The following CMYA5 variants were observed in gnomAD, a reference collection of about 807,000 sequenced individuals.
CMYA5 encodes the protein cardiomyopathy-associated protein 5.
Under a neutral mutation model 318.9 loss-of-function variants are expected in CMYA5, and 246 were observed. That is an observed-to-expected ratio of 0.77 (90% CI 0.70 to 0.86). CMYA5 has a LOEUF of 0.86. Ranked by LOEUF, CMYA5 falls within the 40% of genes least tolerant of loss-of-function variation. The pLI is 0.00. For missense variants in CMYA5, 4,589 were observed against 4,678.2 expected (o/e 0.98, Z 0.56); for synonymous variants, 1,641 against 1,729.5 (o/e 0.95, Z 1.27).
At chr5:79,750,256 A>G (rs996440433) in intron 5 of CMYA5, among the ~76,000 whole-genome samples, 1 of 149,746 alleles carries the variant, frequency 6.7e-6, no homozygotes, top group African/African-American at 2.5e-5. Context: ...TTAAGGTATT[A>G]ATAAATACAG....
At chr5:79,796,111 C>G (rs760558994) in intron 12 of CMYA5, among the ~76,000 whole-genome samples, 1 of 152,002 alleles carries the variant, frequency 6.6e-6, no homozygotes, top group Non-Finnish European at 1.5e-5. Context: ...GGGATTGGCT[C>G]AAGGAATGAC....
intron 1 of CMYA5, among the ~76,000 whole-genome samples, chr5:79,695,127 G>A (rs1232708146): frequency 6.6e-6 from 1 of 152,078 alleles, no homozygotes; most frequent in Non-Finnish European, 1.5e-5. Flanking sequence ...TCTGAAAACA[G>A]GCTTAATGAA....
chr5:79,730,411 C>G lies in CMYA5; in HGVS notation c.1646C>G (p.Pro549Arg). The change falls in exon 2 of 13, where the codon CCA (proline) becomes CGA (arginine). Residue 549 changes from proline (P) to arginine (R), a missense_variant. By Grantham distance (103) the Pro-to-Arg change is moderately radical (BLOSUM62 -2). Around this residue, in one of 3 missense-constraint regions of CMYA5, gnomAD observed 2,132 missense variants for 2,131.3 expected, o/e 1.00. Transcript: ENST00000446378. ...SPLVSEKPFP[P>R]HMSPEVEHKE... ...TTGGTTTCCGAGAAGCCCTTCCCAC[C>G]ACATATGTCCCCTGAAGTGGAGCAC... 2 of 1,613,846 alleles carry G rather than the reference C, an allele frequency of 1.2e-6. No homozygotes were observed. Among genetic ancestry groups the G allele is most frequent in the Admixed American group, 1.7e-5 (1 of 60,018 alleles).
intron 9 of CMYA5, among the ~76,000 whole-genome samples, chr5:79,785,149 A>T (rs190938681): frequency 9.1e-4 from 138 of 151,842 alleles, no homozygotes; most frequent in African/African-American, 3.3e-3. Context: ...CCTGACCTTT[A>T]TAATCTGTCT....
intron 4 of CMYA5, among the ~76,000 whole-genome samples, chr5:79,746,130 A>G (rs1262251202): frequency 1.3e-5 from 2 of 152,316 alleles, no homozygotes; most frequent in Non-Finnish European, 2.9e-5. Context: ...TGAAGCCAGG[A>G]TTAAGCAGAA....
intron 1 of CMYA5, among the ~76,000 whole-genome samples, chr5:79,703,328 C>T (rs142378410): frequency 6.6e-6 from 1 of 152,138 alleles, no homozygotes; most frequent in South Asian, 2.1e-4. Context: ...AGTTTTCCCC[C>T]ATTAAATATC....
At chr5:79,691,849 T>G (rs567297442) in intron 1 of CMYA5, among the ~76,000 whole-genome samples, 14 of 152,278 alleles carry the variant, frequency 9.2e-5, no homozygotes, top group African/African-American at 2.9e-4. Context: ...TAGGGAGACA[T>G]GAGACCTCAA....
At position 79,737,926 on chromosome 5, in the gene CMYA5, A is replaced by G. The variant is rs374393364; in HGVS notation, c.9161A>G (p.Glu3054Gly). The G allele has an allele frequency of 6.2e-7, 1 of 1,606,272 alleles. No homozygotes were observed. Among genetic ancestry groups the G allele is most frequent in the Non-Finnish European group, 8.5e-7 (1 of 1,178,150 alleles). ...ATTCCCAGTGAAGAGGATTATTTTGAAAAATATACTTTGATTGATTATAAC... is the reference window on the plus strand; with the variant it reads ...ATTCCCAGTGAAGAGGATTATTTTGGAAAATATACTTTGATTGATTATAAC... ...PTIPSEEDYFEKYTLIDYNIS... is the reference protein window; with the variant it reads ...PTIPSEEDYFGKYTLIDYNIS... The change falls in exon 2 of 13, where the codon GAA (glutamate) becomes GGA (glycine). Residue 3054 changes from glutamate to glycine, a missense_variant. By Grantham distance (98) the Glu-to-Gly change is moderately conservative. Transcript: ENST00000446378.
rs760017679 is a variant in CMYA5, at chr5:79,731,007, C to T, written c.2242C>T (p.Pro748Ser). 1 of 1,614,034 alleles carries T rather than the reference C, an allele frequency of 6.2e-7. No homozygotes were observed. The highest frequency in any genetic ancestry group is 8.5e-7 in the Non-Finnish European group (1 of 1,179,900). The change falls in exon 2 of 13, where the codon CCT (proline) becomes TCT (serine). Residue 748 changes from proline to serine, a missense_variant. By Grantham distance (74) the Pro-to-Ser change is moderately conservative. Around this residue, in one of 3 missense-constraint regions of CMYA5, gnomAD observed 2,132 missense variants for 2,131.3 expected, o/e 1.00. Transcript: ENST00000446378. ...DTGSFTPAVA[P>S]ASEPSLSPST... ...TGGATCGTTTACTCCAGCTGTGGCC[C>T]CTGCTTCTGAGCCCTCTCTCTCACC...
intron 1 of CMYA5, among the ~76,000 whole-genome samples, chr5:79,711,531 CTT>C (rs1827388428): frequency 6.6e-6 from 1 of 152,170 alleles, no homozygotes; most frequent in Admixed American, 6.5e-5. Flanking sequence ...AGAAATGAAT[CTT>C]TCAGGTCGCA....
chr5:79,722,765 G>A (rs1407315930), intron 1 of CMYA5, among the ~76,000 whole-genome samples: 1 of 150,294 alleles, frequency 6.7e-6, no homozygotes, highest in Non-Finnish European at 1.5e-5. Context: ...TATCAAGAAT[G>A]ACAAAAAAAT....
rs1366616434 is a variant in CMYA5, at chr5:79,736,127, T to C, written c.7362T>C (p.Thr2454=). ...CAAAACTCAGGTCTGTTAGTCCAAC[T>C]GAGAAGAAAGATAATTTGGAAAACA... is the stretch of plus-strand genomic sequence containing the variant. The part of the protein sequence containing the change: ...EETKLRSVSP[T]EKKDNLENRS... Residue 2454 remains threonine (T), a synonymous_variant, in exon 2 of 13, where the codon ACT becomes ACC. Transcript: ENST00000446378. 7 of 1,613,616 alleles carry C rather than the reference T, an allele frequency of 4.3e-6. No homozygotes were observed. Among genetic ancestry groups the C allele is most frequent in the Non-Finnish European group, 5.9e-6 (7 of 1,179,756 alleles).
At chr5:79,785,893 G>A (rs555722775) in intron 9 of CMYA5, among the ~76,000 whole-genome samples, 1 of 152,168 alleles carries the variant, frequency 6.6e-6, no homozygotes, top group Middle Eastern at 3.4e-3. Context: ...CTTAGTCATG[G>A]CAAACTTTCC....
At chr5:79,722,105 A>G (rs1447613787) in intron 1 of CMYA5, among the ~76,000 whole-genome samples, 14 of 152,240 alleles carry the variant, frequency 9.2e-5, no homozygotes, top group Non-Finnish European at 1.8e-4. Context: ...AACTTCATAC[A>G]AAATAAATTC....
intron 1 of CMYA5, among the ~76,000 whole-genome samples, chr5:79,697,682 T>G (rs1827095240): frequency 6.6e-6 from 1 of 152,236 alleles, no homozygotes; most frequent in African/African-American, 2.4e-5. Flanking sequence ...TGGCAGGGCC[T>G]GTGCTGGAAC....
intron 9 of CMYA5, among the ~76,000 whole-genome samples, chr5:79,778,425 T>G (rs1828984844): frequency 6.6e-6 from 1 of 152,204 alleles, no homozygotes; most frequent in Non-Finnish European, 1.5e-5. Context: ...GCCTAAACAT[T>G]GGATGATAAA....
At chr5:79,707,497 T>C (rs973951994) in intron 1 of CMYA5, among the ~76,000 whole-genome samples, 1 of 152,214 alleles carries the variant, frequency 6.6e-6, no homozygotes, top group Admixed American at 6.5e-5. Context: ...TTTCCAGAGG[T>C]AATCATTATT....
At chr5:79,762,134 G>GCTCAA (rs1828665237) in intron 8 of CMYA5, 177 bp downstream of exon 8, 2 of 593,478 alleles carry the variant, frequency 3.4e-6, no homozygotes, top group Non-Finnish European at 5.5e-6. Flanking sequence ...CTCATGCTCA[G>GCTCAA]GTGGGGAGAT....
intron 4 of CMYA5, among the ~76,000 whole-genome samples, chr5:79,746,665 A>G (rs1425908578): frequency 6.6e-6 from 1 of 152,124 alleles, no homozygotes; most frequent in East Asian, 1.9e-4. Flanking sequence ...TACTGATTAC[A>G]GTTTTGATCT....
Sources: gnomAD v4.1 joint callset for allele counts (sites outside exome capture counted in the v4.1 genomes callset) on GRCh38, gnomAD v4.1.1 for gene constraint, gnomAD v4.1.1 regional missense constraint, MANE v1.5 for transcripts, NCBI Gene and HGNC (gene_info 2026-07-23, HGNC 2026-07-21) for gene names.